RASEF: variants seen among roughly 807,000 people sequenced by gnomAD.
RASEF encodes the protein ras and EF-hand domain-containing protein.
RASEF carries 68 observed loss-of-function variants against 90.1 expected under a neutral mutation model. The observed-to-expected ratio is 0.75, with a 90% CI of 0.62 to 0.92. The LOEUF (loss-of-function observed/expected upper bound fraction) is 0.92. Among genes scored for constraint, RASEF ranks in the 40% least tolerant of loss-of-function variants. The pLI, the probability that RASEF is intolerant of heterozygous loss-of-function variation, is 0.00. For synonymous variants in RASEF, 331 were observed against 345.2 expected, an observed-to-expected ratio of 0.96 and a Z score of 0.46; for missense variants, 949 against 937.2, an observed-to-expected ratio of 1.01 and a Z score of -0.16.
Position 82,997,039 on chromosome 9 carries a change from G to A in RASEF, c.1893C>T (p.Asn631=). The change falls in exon 14 of 17, where the codon AAC becomes AAT. Residue 631 remains asparagine, a synonymous_variant. Coordinates refer to ENST00000376447, the MANE Select transcript of RASEF (RefSeq NM_152573.4). The part of the protein sequence containing the change: ...YDVTCEKSFL[N]IREWVDMIED... ...CAATCATATCTACCCATTCTCGTATGTTAAGAAAGCTTTTCTCACATGTAA... is the reference window on the plus strand; with the variant it reads ...CAATCATATCTACCCATTCTCGTATATTAAGAAAGCTTTTCTCACATGTAA... 6.2e-7 allele frequency: 1 copy of A among 1,607,882 alleles called. No homozygotes were observed.
the RASEF span, among the ~76,000 whole-genome samples, chr9:83,213,094 A>T: frequency 0.057 from 5,169 of 91,006 alleles, 288 homozygotes; most frequent in African/African-American, 0.25. Flanking sequence ...CACACGTTTT[A>T]AAAAAAAAAA....
rs540035826 is a variant in RASEF, at chr9:83,000,977, T to C, written c.1356A>G (p.Glu452=). Residue 452 remains glutamate, a synonymous_variant, in exon 10 of 17, where the codon GAA becomes GAG. Transcript: ENST00000376447. ...ATCCCCTCTGGTGCTTGTATTCCAC[T>C]TCTGAGTCATACTCATTGGGATCTC... ...TLRDPNEYDS[E]VEYKHQRGFQ... is the part of the protein sequence containing the mutation. The C allele has an allele frequency of 6.2e-7, 1 of 1,614,144 alleles. No individual in the cohort carries two copies. The highest frequency in any genetic ancestry group is 1.3e-5 in the African/African-American group (1 of 75,040).
At chr9:83,206,106 T>C in the RASEF span, among the ~76,000 whole-genome samples, 2 of 152,242 alleles carry the variant, frequency 1.3e-5, no homozygotes, top group Non-Finnish European at 2.9e-5. Context: ...TTTAATAATT[T>C]GTACCTTCTA....
chr9:83,039,244 T>C (rs1829795918), intron 1 of RASEF, among the ~76,000 whole-genome samples: 1 of 152,134 alleles, frequency 6.6e-6, no homozygotes, highest in Non-Finnish European at 1.5e-5. Context: ...CCTCCCCTCC[T>C]ATCCCCTGCC....
chr9:83,155,211 T>C, the RASEF span, among the ~76,000 whole-genome samples: 1 of 152,200 alleles, frequency 6.6e-6, no homozygotes, highest in African/African-American at 2.4e-5. Flanking sequence ...GGGCCATAAA[T>C]ACATTTTAAG....
chr9:83,073,777 A>C, the RASEF span, among the ~76,000 whole-genome samples: 4 of 152,266 alleles, frequency 2.6e-5, no homozygotes, highest in Non-Finnish European at 5.9e-5. Context: ...AGTAGATTAC[A>C]ATATGCCAAT....
At position 83,016,411 on chromosome 9, in the gene RASEF, G is replaced by A. The variant is rs186274022; in HGVS notation, c.670-511C>T. ...CGGGGGTGTCCCTTCAAGTTCTTCT[G>A]GAGCAGAGAATGGCAGTAAGGCACC... On this transcript the variant is annotated intron_variant, in intron 3 of 16. Coordinates refer to ENST00000376447, the MANE Select transcript of RASEF (RefSeq NM_152573.4). Among the ~76,000 whole-genome samples, 53 of 151,966 alleles carry A rather than the reference G, an allele frequency of 3.5e-4. No individual in the cohort carries two copies. In the East Asian group the frequency reaches 9.5e-3, roughly 27 times the overall value.
At position 82,992,919 on chromosome 9, in the gene RASEF, T is replaced by C. The variant is rs879197508; in HGVS notation, c.2027A>G (p.Glu676Gly). The C allele has an allele frequency of 8.7e-6, 14 of 1,613,772 alleles. No individual in the cohort carries two copies. The highest frequency in any genetic ancestry group is 1.1e-5 in the Non-Finnish European group (13 of 1,179,838). ...GQKCVPGHFG[E>G]KLAMTYGALF... ...CCTCACTCTTACCATGGCCAGTTTC[T>C]CTCCAAAGTGCCCTGGGACACATTT... Residue 676 changes from glutamate to glycine, a missense_variant, in exon 15 of 17, where the codon GAG becomes GGG. By Grantham distance (98) the Glu-to-Gly change is moderately conservative (BLOSUM62 -2). Coordinates refer to ENST00000376447, the MANE Select transcript of RASEF (RefSeq NM_152573.4).
chr9:83,133,095 T>C, the RASEF span, among the ~76,000 whole-genome samples: 4 of 152,210 alleles, frequency 2.6e-5, no homozygotes, highest in Non-Finnish European at 5.9e-5. Context: ...TCTGACTATC[T>C]TACTTTCAAA....
the RASEF span, among the ~76,000 whole-genome samples, chr9:83,099,359 C>A: frequency 6.6e-6 from 1 of 152,146 alleles, no homozygotes; most frequent in African/African-American, 2.4e-5. Flanking sequence ...GAGAACATCA[C>A]AGAAAGGGTC....
At chr9:83,173,044 T>C in the RASEF span, among the ~76,000 whole-genome samples, 1 of 152,008 alleles carries the variant, frequency 6.6e-6, no homozygotes, top group Non-Finnish European at 1.5e-5. Context: ...TTTTATTTCC[T>C]TCAGCGTTTT....
At chr9:83,190,294 A>T in the RASEF span, among the ~76,000 whole-genome samples, 1 of 152,356 alleles carries the variant, frequency 6.6e-6, no homozygotes, top group African/African-American at 2.4e-5. Flanking sequence ...GCTCTTTAAA[A>T]TAGCAGGGAA....
At chr9:83,135,336 G>A in the RASEF span, among the ~76,000 whole-genome samples, 9 of 152,038 alleles carry the variant, frequency 5.9e-5, no homozygotes, top group South Asian at 1.2e-3. Context: ...AGCACACACC[G>A]GGGCCTGTCG....
At chr9:83,167,760 G>A in the RASEF span, among the ~76,000 whole-genome samples, 3 of 152,024 alleles carry the variant, frequency 2.0e-5, no homozygotes, top group South Asian at 6.2e-4. Flanking sequence ...TCATATAGAT[G>A]GAATCATACA....
At position 83,045,355 on chromosome 9, in the gene RASEF, TTTAA is replaced by T; in HGVS notation, c.431+17078_431+17081del. Among the ~76,000 whole-genome samples the T allele has an allele frequency of 2.0e-5, 3 of 152,304 alleles. No individual in the cohort carries two copies. In the Middle Eastern group the frequency reaches 0.01, roughly 518 times the overall value. On this transcript the variant is annotated intron_variant, in intron 1 of 16. Transcript: ENST00000376447. ...CTGATGAAAAGAGCTGAATAAGAAC[TTTAA>T]TTGTTACTGATAAGAACCTTAATTT...
At chr9:83,123,394 T>C in the RASEF span, among the ~76,000 whole-genome samples, 13,365 of 152,174 alleles carry the variant, frequency 0.088, 628 homozygotes, top group African/African-American at 0.13. Flanking sequence ...TGCTGTTCCC[T>C]TCTAACGCTG....
intron 5 of RASEF, among the ~76,000 whole-genome samples, chr9:83,010,935 G>A (rs1049303872): frequency 6.6e-6 from 1 of 151,708 alleles, no homozygotes; most frequent in Non-Finnish European, 1.5e-5. Flanking sequence ...ACCAACAACT[G>A]CCAGGTAGTT....
At chr9:83,037,744 A>ATTTT (rs35483330) in intron 1 of RASEF, among the ~76,000 whole-genome samples, 33 of 131,858 alleles carry the variant, frequency 2.5e-4, no homozygotes, top group East Asian at 1.1e-3. Flanking sequence ...TAAATGTCCT[A>ATTTT]TTTTTTTTTT....
intron 12 of RASEF, among the ~76,000 whole-genome samples, chr9:82,999,403 ACTT>A (rs888652571): frequency 1.8e-4 from 27 of 151,912 alleles, no homozygotes; most frequent in African/African-American, 6.3e-4. Flanking sequence ...CTCTCCCTAA[ACTT>A]CTTTTTTGTA....
Sources: gnomAD v4.1 joint callset for allele counts (sites outside exome capture counted in the v4.1 genomes callset) on GRCh38, gnomAD v4.1.1 for gene constraint, MANE v1.5 for transcripts, NCBI Gene and HGNC (gene_info 2026-07-23, HGNC 2026-07-21) for gene names.